The following RXFP1 variants were observed in gnomAD, a reference collection of about 807,000 sequenced individuals.
RXFP1 encodes relaxin family peptide receptor 1, also known as relaxin receptor 1.
RXFP1 carries 73 observed loss-of-function variants against 89.8 expected under a neutral mutation model. The ratio of observed to expected loss-of-function variants is 0.81; its 90% CI spans 0.67 to 0.99. The LOEUF (loss-of-function observed/expected upper bound fraction) is 0.99, where lower values mean the gene tolerates loss of function less well. Ranked by LOEUF, RXFP1 falls within the 50% of genes least tolerant of loss-of-function variation. RXFP1 has a pLI of 0.00. For synonymous variants in RXFP1, 277 were observed against 305.5 expected (o/e 0.91, Z 0.97); for missense variants, 793 against 895.5 (o/e 0.89, Z 1.46).
intron 1 of RXFP1, among the ~76,000 whole-genome samples, chr4:158,539,978 A>T (rs1466080523): frequency 2.6e-5 from 4 of 152,200 alleles, no homozygotes; most frequent in Non-Finnish European, 5.9e-5. Flanking sequence ...TTGTCATCTA[A>T]TACTGAGACT....
In RXFP1 at chr4:158,641,917, G is replaced by A. The variant is rs1036411823; in HGVS notation, c.1115+2586G>A. 4.5e-4 allele frequency among the ~76,000 whole-genome samples: 69 copies of A among 152,116 alleles called. 3 individuals carry two copies. Among genetic ancestry groups the A allele is most frequent in the African/African-American group, 2.4e-5 (1 of 41,408 alleles). On this transcript the variant is annotated intron_variant, in intron 14 of 17. Coordinates refer to ENST00000307765, the MANE Select transcript of RXFP1 (RefSeq NM_021634.4). ...AAGAAATGCTCAATAAAAGGTGTTG[G>A]TGTTGGTGGTAACACAATAGTAATT...
rs750840715 is a variant in RXFP1, at chr4:158,612,368, T to A, written c.680+6T>A. On this transcript the variant is annotated splice_donor_region_variant and intron_variant, in intron 8 of 17. Coordinates refer to ENST00000307765, the MANE Select transcript of RXFP1 (RefSeq NM_021634.4). ...CTAAATTCTCTTATTCTCTTGTAAGTACTAAACTAAAGCAAATATTTCAAT... is the reference window on the plus strand; with the variant it reads ...CTAAATTCTCTTATTCTCTTGTAAGAACTAAACTAAAGCAAATATTTCAAT... 7 of 1,575,778 alleles carry A rather than the reference T, an allele frequency of 4.4e-6. No individual in the cohort carries two copies. The highest frequency in any genetic ancestry group is 1.1e-5 in the South Asian group (1 of 87,940).
intron 17 of RXFP1, among the ~76,000 whole-genome samples, chr4:158,650,432 A>AATATATAT (rs149845150): frequency 0.011 from 1,567 of 145,442 alleles, 15 homozygotes; most frequent in African/African-American, 0.024. Context: ...AATATATATA[A>AATATATAT]ATATATATAT....
rs5741905 is a variant in RXFP1 at position 158,527,564 on chromosome 4, A to AAAAAAATATATAT, written c.49+5540_49+5541insAAAAATATATATA. ...ATCTCCCCCGCTCCAAAAAAAAAAA[A>AAAAAAATATATAT]ATATATATATATATGTATATATATA... On this transcript the variant is annotated intron_variant, in intron 1 of 17. Transcript: ENST00000307765. Among the ~76,000 whole-genome samples, 156 of 98,328 alleles carry AAAAAAATATATAT rather than the reference A, an allele frequency of 1.6e-3. 3 individuals are homozygous for AAAAAAATATATAT. Among genetic ancestry groups the AAAAAAATATATAT allele is most frequent in the Middle Eastern group, 0.013 (2 of 156 alleles). 64.5% of individuals were successfully genotyped at this position (98,328 alleles called of 152,430 possible).
intron 1 of RXFP1, among the ~76,000 whole-genome samples, chr4:158,539,994 G>A (rs562149423): frequency 1.3e-5 from 2 of 152,290 alleles, no homozygotes; most frequent in African/African-American, 4.8e-5. Context: ...AGACTTCTGT[G>A]AAAGGTAACA....
chr4:158,580,398 T>C (rs1163763753), intron 2 of RXFP1, among the ~76,000 whole-genome samples: 1 of 152,156 alleles, frequency 6.6e-6, no homozygotes, highest in African/African-American at 2.4e-5. Flanking sequence ...TTAAATATCA[T>C]AATATACAGA....
chr4:158,541,520 T>C (rs1047629676), intron 1 of RXFP1, among the ~76,000 whole-genome samples: 1 of 152,202 alleles, frequency 6.6e-6, no homozygotes, highest in Non-Finnish European at 1.5e-5. Context: ...GTTTAAAATA[T>C]AAAAATATTT....
intron 14 of RXFP1, among the ~76,000 whole-genome samples, chr4:158,640,350 G>A (rs538987643): frequency 2.6e-5 from 4 of 152,258 alleles, no homozygotes; most frequent in African/African-American, 7.2e-5. Flanking sequence ...AAGGAATATC[G>A]GAGGCTCGGT....
intron 3 of RXFP1, among the ~76,000 whole-genome samples, chr4:158,594,371 C>G (rs1006274686): frequency 2.0e-5 from 3 of 152,170 alleles, no homozygotes; most frequent in African/African-American, 7.2e-5. Context: ...TGAGCTTACT[C>G]TGTGTTATTT....
intron 1 of RXFP1, among the ~76,000 whole-genome samples, chr4:158,563,088 T>C (rs1257244068): frequency 2.0e-5 from 3 of 152,222 alleles, no homozygotes; most frequent in African/African-American, 7.2e-5. Flanking sequence ...GGATATGAGT[T>C]TCCCCAGGGA....
intron 3 of RXFP1, among the ~76,000 whole-genome samples, chr4:158,593,748 T>C (rs892932891): frequency 6.6e-6 from 1 of 152,220 alleles, no homozygotes; most frequent in African/African-American, 2.4e-5. Flanking sequence ...TAATAAATGG[T>C]GTCAGATATT....
At chr4:158,628,764 A>C in intron 11 of RXFP1, 55 bp downstream of exon 11, 1 of 914,010 alleles carries the variant, frequency 1.1e-6, no homozygotes, top group Non-Finnish European at 1.7e-6. Flanking sequence ...GTTTTTTCAC[A>C]CTTGTACTTA....
intron 1 of RXFP1, among the ~76,000 whole-genome samples, chr4:158,567,483 C>T (rs2149973079): frequency 6.6e-6 from 1 of 152,190 alleles, no homozygotes; most frequent in East Asian, 1.9e-4. Context: ...CTGTGTCTAG[C>T]TCAGGGTTTG....
In RXFP1 at chr4:158,652,161, A is replaced by G. The variant is rs1226622696; in HGVS notation, c.*106A>G. On this transcript the variant is annotated 3_prime_UTR_variant, in exon 18 of 18. Coordinates refer to ENST00000307765, the MANE Select transcript of RXFP1 (RefSeq NM_021634.4). ...CAAAATTAATTTATAATAATAGCTA[A>G]GATAAATATTTTACAAGGACATGAG... 3 of 914,130 alleles carry G rather than the reference A, an allele frequency of 3.3e-6. No homozygotes were observed. The highest frequency in any genetic ancestry group is 1.7e-5 in the African/African-American group (1 of 59,338). The allele number at this position is 914,130 out of a possible 1,614,324, so 56.6% of individuals were successfully genotyped here.
intron 1 of RXFP1, among the ~76,000 whole-genome samples, chr4:158,525,020 A>C (rs1224777305): frequency 6.6e-6 from 1 of 152,214 alleles, no homozygotes; most frequent in Non-Finnish European, 1.5e-5. Context: ...GGATCCCAGC[A>C]CTGGCATAAC....
In RXFP1 at chr4:158,652,819, A is replaced by C. The variant is rs1458502381; in HGVS notation, c.*764A>C. On this transcript the variant is annotated 3_prime_UTR_variant, in exon 18 of 18. Transcript: ENST00000307765. ...AACTAGAATGAGGATAAACATTTAC[A>C]TTAGTGGAAACTCCTGAAATAAATC... 6.6e-6 allele frequency: 1 copy of C among 152,228 alleles called. No individual in the cohort carries two copies. Among genetic ancestry groups the C allele is most frequent in the Non-Finnish European group, 1.5e-5 (1 of 68,034 alleles). The allele number at this position is 152,228 out of a possible 1,614,324, so 9.4% of individuals were successfully genotyped here.
intron 3 of RXFP1, among the ~76,000 whole-genome samples, chr4:158,598,271 C>G (rs186498483): frequency 1.3e-5 from 2 of 152,250 alleles, no homozygotes; most frequent in Admixed American, 1.3e-4. Flanking sequence ...ATATATAAAA[C>G]ATTGTATTTA....
chr4:158,521,840 G>A (rs1741246943), upstream of RXFP1: 2 of 561,316 alleles, frequency 3.6e-6, no homozygotes, highest in Middle Eastern at 5.4e-4. Context: ...AAATGGGAGT[G>A]GAAGGAGGGA....
intron 17 of RXFP1, among the ~76,000 whole-genome samples, chr4:158,649,700 A>C (rs1468725388): frequency 1.3e-5 from 2 of 152,244 alleles, no homozygotes; most frequent in African/African-American, 2.4e-5. Flanking sequence ...CATACAAAAA[A>C]ATAAGTGTTG....
Sources: gnomAD v4.1 joint callset for allele counts (sites outside exome capture counted in the v4.1 genomes callset) on GRCh38, gnomAD v4.1.1 for gene constraint, MANE v1.5 for transcripts, NCBI Gene and HGNC (gene_info 2026-07-23, HGNC 2026-07-21) for gene names.